The following CCDC60 variants were observed in gnomAD, a reference collection of about 807,000 sequenced individuals.
CCDC60 encodes the protein coiled-coil domain containing 60.
CCDC60 carries 54 observed loss-of-function variants against 63.5 expected under a neutral mutation model. The ratio of observed to expected loss-of-function variants is 0.85; its 90% CI spans 0.68 to 1.07. The LOEUF (loss-of-function observed/expected upper bound fraction) is 1.07, where lower values mean the gene tolerates loss of function less well. CCDC60 is among the 50% of genes least tolerant of loss of function. The pLI, the probability that CCDC60 is intolerant of heterozygous loss-of-function variation, is 0.00. For synonymous variants in CCDC60, 206 were observed against 238.8 expected (o/e 0.86, Z 1.27); for missense variants, 651 against 684.3 (o/e 0.95, Z 0.54).
intron 1 of CCDC60, among the ~76,000 whole-genome samples, chr12:119,386,223 C>T (rs1026973022): frequency 1.3e-5 from 2 of 152,172 alleles, no homozygotes; most frequent in Non-Finnish European, 2.9e-5. Context: ...TTCCTCCCAC[C>T]TCATCTGTCC....
Position 119,355,883 on chromosome 12 carries a change from G to C in CCDC60, c.90+20617G>C, listed in dbSNP as rs540360148. ...CCAGTTGTTGCCATGGCAGTGGTAAGCTGACATGGCATGCTGGTGGATGTG... is the reference window on the plus strand; with the variant it reads ...CCAGTTGTTGCCATGGCAGTGGTAACCTGACATGGCATGCTGGTGGATGTG... On this transcript the variant is annotated intron_variant, in intron 1 of 13. Transcript: ENST00000327554. Among the ~76,000 whole-genome samples, 5 of 152,332 alleles carry C rather than the reference G, an allele frequency of 3.3e-5. No homozygotes were observed. The East Asian group carries it at 5.8e-4, about 18-fold the overall frequency.
At chr12:119,504,554 T>C (rs1032164546) in intron 6 of CCDC60, among the ~76,000 whole-genome samples, 1 of 152,176 alleles carries the variant, frequency 6.6e-6, no homozygotes, top group Non-Finnish European at 1.5e-5. Flanking sequence ...CCCTATTCTG[T>C]GTTCTTTAGA....
chr12:119,419,402 T>C (rs1183821539), intron 1 of CCDC60, among the ~76,000 whole-genome samples: 1 of 152,214 alleles, frequency 6.6e-6, no homozygotes, highest in Non-Finnish European at 1.5e-5. Flanking sequence ...GATGTAACCA[T>C]GTAGGCGATG....
chr12:119,498,721 A>G (rs1951772095), intron 5 of CCDC60, among the ~76,000 whole-genome samples: 1 of 152,238 alleles, frequency 6.6e-6, no homozygotes, highest in African/African-American at 2.4e-5. Context: ...TTCTGCAAAG[A>G]AAAAGGGAAT....
intron 8 of CCDC60, among the ~76,000 whole-genome samples, chr12:119,518,083 G>T (rs1952402755): frequency 6.6e-6 from 1 of 152,130 alleles, no homozygotes; most frequent in Non-Finnish European, 1.5e-5. Flanking sequence ...CCTCGCCTCT[G>T]CTTGTGAATG....
intron 4 of CCDC60, among the ~76,000 whole-genome samples, chr12:119,486,411 G>A (rs996684002): frequency 6.6e-6 from 1 of 152,156 alleles, no homozygotes; most frequent in Non-Finnish European, 1.5e-5. Flanking sequence ...GGTGATGCAT[G>A]TCTGTAGTCC....
At chr12:119,439,646 T>C (rs1950400323) in intron 2 of CCDC60, among the ~76,000 whole-genome samples, 1 of 152,212 alleles carries the variant, frequency 6.6e-6, no homozygotes, top group Non-Finnish European at 1.5e-5. Flanking sequence ...CAGTGTATAC[T>C]GAGCAGGTCA....
chr12:119,518,889 C>A (rs1020708845), intron 8 of CCDC60, among the ~76,000 whole-genome samples: 1 of 152,140 alleles, frequency 6.6e-6, no homozygotes, highest in African/African-American at 2.4e-5. Context: ...CCACTCTAGA[C>A]CCTGGCTCTC....
intron 8 of CCDC60, among the ~76,000 whole-genome samples, chr12:119,519,437 G>A (rs804442): frequency 0.33 from 45,795 of 140,864 alleles, 7,954 homozygotes; most frequent in African/African-American, 0.44. Context: ...GTGTGTGTGC[G>A]CGTGTGTGTG....
chr12:119,383,753 C>T (rs1257343129), intron 1 of CCDC60, among the ~76,000 whole-genome samples: 7 of 152,172 alleles, frequency 4.6e-5, no homozygotes, highest in African/African-American at 1.7e-4. Context: ...TTTCTGCCCA[C>T]CACAGATACC....
chr12:119,507,921 A>G (rs1198898947), intron 7 of CCDC60, among the ~76,000 whole-genome samples: 1 of 151,996 alleles, frequency 6.6e-6, no homozygotes, highest in African/African-American at 2.4e-5. Flanking sequence ...TCATTCCAAT[A>G]TTTTGGGAGG....
intron 5 of CCDC60, among the ~76,000 whole-genome samples, chr12:119,495,072 T>A (rs1037654300): frequency 2.0e-5 from 3 of 152,186 alleles, no homozygotes; most frequent in Non-Finnish European, 4.4e-5. Flanking sequence ...CTGCTCTGGG[T>A]GTATTACCTC....
In CCDC60 at chr12:119,370,771, TAA is replaced by T; in HGVS notation, c.90+35506_90+35507del. ...AGGCAGGCATAGTGGCTCATGCCTG[TAA>T]TCTCAACACTTTGGGAAGCTGAGGC... On this transcript the variant is annotated intron_variant, in intron 1 of 13. Transcript: ENST00000327554. Among the ~76,000 whole-genome samples the T allele has an allele frequency of 1.3e-5, 2 of 152,280 alleles. 1 individual carries two copies. The highest frequency in any genetic ancestry group is 1.3e-4 in the Admixed American group (2 of 15,302).
intron 13 of CCDC60, among the ~76,000 whole-genome samples, chr12:119,538,823 G>A (rs1057010483): frequency 5.3e-5 from 8 of 152,172 alleles, no homozygotes; most frequent in Non-Finnish European, 1.2e-4. Flanking sequence ...TCATCTTCAT[G>A]GATTTATCTA....
chr12:119,405,935 G>A (rs921611088), intron 1 of CCDC60, among the ~76,000 whole-genome samples: 1 of 152,250 alleles, frequency 6.6e-6, no homozygotes, highest in South Asian at 2.1e-4. Context: ...ACTTTGGGAG[G>A]CCAAGGCAGG....
intron 1 of CCDC60, among the ~76,000 whole-genome samples, chr12:119,396,656 G>A (rs1956260479): frequency 6.6e-6 from 1 of 152,160 alleles, no homozygotes; most frequent in African/African-American, 2.4e-5. Context: ...AAGGCAGGAG[G>A]ATCACTTGAG....
chr12:119,524,721 C>CTTTTGTTTTTTTTTTTTTTTT (rs761586584), intron 11 of CCDC60, among the ~76,000 whole-genome samples: 1 of 99,050 alleles, frequency 1.0e-5, no homozygotes, highest in Non-Finnish European at 1.9e-5. Flanking sequence ...CTTTTCTTTT[C>CTTTTGTTTTTTTTTTTTTTTT]TTTTTTTTTT....
chr12:119,531,125 C>T, intron 13 of CCDC60, 62 bp downstream of exon 13: 2 of 1,413,624 alleles, frequency 1.4e-6, no homozygotes, highest in Non-Finnish European at 2.0e-6. Flanking sequence ...CACCTCTCAA[C>T]ATTCAGGCAC....
Position 119,370,330 on chromosome 12 carries a change from C to T in CCDC60, c.90+35064C>T, listed in dbSNP as rs12303171. Among the ~76,000 whole-genome samples, 523 of 152,348 alleles carry T rather than the reference C, an allele frequency of 3.4e-3. 3 individuals carry two copies. Among genetic ancestry groups the T allele is most frequent in the African/African-American group, 0.012 (514 of 41,576 alleles). ...GTGCGCCCCGTGGTGCATTCCACAT[C>T]CGGGACTATGGCTTAAGTTGTCATG... On this transcript the variant is annotated intron_variant, in intron 1 of 13. Transcript: ENST00000327554.
Sources: allele counts gnomAD v4.1 joint callset (sites outside exome capture counted in the v4.1 genomes callset), GRCh38; gene constraint gnomAD v4.1.1; transcripts MANE v1.5; gene names NCBI Gene and HGNC (gene_info 2026-07-23, HGNC 2026-07-21).